The following TENM3 variants were observed in gnomAD, a reference collection of about 807,000 sequenced individuals.
The protein encoded by TENM3 is teneurin transmembrane protein 3.
Under a neutral mutation model 255.1 loss-of-function variants are expected in TENM3, and 63 were observed. That is an observed-to-expected ratio of 0.25 (90% CI 0.20 to 0.30). TENM3 has a LOEUF of 0.30. Ranked by LOEUF, TENM3 falls within the 10% of genes least tolerant of loss-of-function variation. The probability of loss-of-function intolerance (pLI) is 1.00; values close to 1 mark genes in which losing one functional copy is unlikely to be tolerated. For missense variants in TENM3, 2,929 were observed against 3,461.1 expected, an observed-to-expected ratio of 0.85 and a Z score of 3.86; for synonymous variants, 1,306 against 1,322.3, an observed-to-expected ratio of 0.99 and a Z score of 0.27.
chr4:181,623,539 C>T, the TENM3 span, among the ~76,000 whole-genome samples: 1 of 152,176 alleles, frequency 6.6e-6, no homozygotes, highest in Non-Finnish European at 1.5e-5. Context: ...ACTTCTGTTA[C>T]CAACGTCAAG....
the TENM3 span, among the ~76,000 whole-genome samples, chr4:181,902,116 TACACACACAC>T: frequency 6.8e-6 from 1 of 147,782 alleles, no homozygotes; most frequent in African/African-American, 2.5e-5. Context: ...CATGTGAGCA[TACACACACAC>T]ACACACACAC....
At chr4:182,131,439 C>T in the TENM3 span, among the ~76,000 whole-genome samples, 2 of 152,098 alleles carry the variant, frequency 1.3e-5, no homozygotes, top group African/African-American at 4.8e-5. Flanking sequence ...AAATCAAAAA[C>T]CTCACCCACG....
chr4:182,261,898 C>G (rs1193427323), intron 1 of TENM3, among the ~76,000 whole-genome samples: 1 of 152,178 alleles, frequency 6.6e-6, no homozygotes, highest in Non-Finnish European at 1.5e-5. Flanking sequence ...GGCAGCCTTC[C>G]AACAAGACCA....
intron 4 of TENM3, among the ~76,000 whole-genome samples, chr4:182,626,952 A>G (rs1750875085): frequency 6.6e-6 from 1 of 152,166 alleles, no homozygotes; most frequent in South Asian, 2.1e-4. Flanking sequence ...GAGGTTCCCT[A>G]GGACCACATT....
Position 182,792,626 on chromosome 4 carries a change from A to G in TENM3, c.5954A>G (p.Asp1985Gly), listed in dbSNP as rs1766199217. The change falls in exon 26 of 28, where the codon GAT (aspartate) becomes GGT (glycine). Residue 1985 changes from aspartate (D) to glycine (G), a missense_variant. Coordinates refer to ENST00000511685, the MANE Select transcript of TENM3 (RefSeq NM_001080477.4). This position sits in a 1 kb window ranked among gnomAD's most constrained non-coding sequence, Gnocchi z 6.3. ...CTAAAGACAGTAAACCTCCAGAGTG[A>G]TGGTTTTATTTGCACCATTAGATAC... Reference protein sequence around the residue: ...GVLKTVNLQSDGFICTIRYRQ... With the variant: ...GVLKTVNLQSGGFICTIRYRQ... The G allele has an allele frequency of 6.2e-7, 1 of 1,613,956 alleles. No homozygotes were observed. Among genetic ancestry groups the G allele is most frequent in the East Asian group, 2.2e-5 (1 of 44,886 alleles).
Position 182,460,859 on chromosome 4 carries a change from G to A in TENM3, c.511+113930G>A, listed in dbSNP as rs541481495. 2.0e-5 allele frequency among the ~76,000 whole-genome samples: 3 copies of A among 152,254 alleles called. No homozygotes were observed. The South Asian group carries it at 6.2e-4, about 32-fold the overall frequency. On this transcript the variant is annotated intron_variant, in intron 3 of 27. Transcript: ENST00000511685. ...TTTTCTATAAAATAAGAATTAATAT[G>A]TAATATTTAACTGCAGTCTATTTTA...
At chr4:182,741,861 A>C (rs1761632194) in intron 18 of TENM3, among the ~76,000 whole-genome samples, 1 of 152,240 alleles carries the variant, frequency 6.6e-6, no homozygotes, top group African/African-American at 2.4e-5. Flanking sequence ...AAATGTGCTG[A>C]GTTATAAGGA....
At chr4:182,515,600 A>G (rs1277204771) in intron 3 of TENM3, among the ~76,000 whole-genome samples, 4 of 152,200 alleles carry the variant, frequency 2.6e-5, no homozygotes, top group African/African-American at 9.7e-5. Flanking sequence ...TACTGTATAT[A>G]ATATTTCTTA....
intron 3 of TENM3, among the ~76,000 whole-genome samples, chr4:182,467,536 A>G (rs1485764834): frequency 6.6e-6 from 1 of 152,212 alleles, no homozygotes; most frequent in Non-Finnish European, 1.5e-5. Flanking sequence ...ACAATAAATG[A>G]TATCCTGGGA....
chr4:182,267,548 T>G (rs1376772976), intron 1 of TENM3, among the ~76,000 whole-genome samples: 2 of 152,126 alleles, frequency 1.3e-5, no homozygotes, highest in Admixed American at 1.3e-4. Flanking sequence ...TAAAAAAATG[T>G]CACTTTCTAA....
At chr4:182,050,015 C>T in the TENM3 span, among the ~76,000 whole-genome samples, 91,582 of 151,254 alleles carry the variant, frequency 0.61, 30,852 homozygotes, top group East Asian at 0.77. Flanking sequence ...TTTTTTGAGG[C>T]GGAGTCTCAC....
intron 3 of TENM3, among the ~76,000 whole-genome samples, chr4:182,442,921 C>T (rs189776552): frequency 6.6e-6 from 1 of 151,746 alleles, no homozygotes; most frequent in East Asian, 1.9e-4. Context: ...GATGTAGTTT[C>T]GCCATGTTGC....
At chr4:181,627,022 G>A in the TENM3 span, among the ~76,000 whole-genome samples, 1 of 152,114 alleles carries the variant, frequency 6.6e-6, no homozygotes, top group South Asian at 2.1e-4. Context: ...AAGACAAGGC[G>A]TTAACAAGGT....
At chr4:182,680,226 T>C in intron 8 of TENM3, 22 bp from the exon 9 acceptor site, 1 of 1,542,102 alleles carries the variant, frequency 6.5e-7, no homozygotes, top group South Asian at 1.1e-5. Flanking sequence ...CAACAAGTGT[T>C]CCTTCTTTCC....
At chr4:181,981,102 C>G in the TENM3 span, among the ~76,000 whole-genome samples, 5 of 152,132 alleles carry the variant, frequency 3.3e-5, no homozygotes, top group Non-Finnish European at 7.4e-5. Context: ...TGGTTCCCAA[C>G]ACTTTTAATG....
chr4:181,515,541 C>CA, the TENM3 span, among the ~76,000 whole-genome samples: 1 of 151,826 alleles, frequency 6.6e-6, no homozygotes, highest in African/African-American at 2.4e-5. Context: ...AGTCGAGTCC[C>CA]AAAAATGGTG....
At chr4:181,583,536 A>C in the TENM3 span, among the ~76,000 whole-genome samples, 1 of 152,174 alleles carries the variant, frequency 6.6e-6, no homozygotes, top group Non-Finnish European at 1.5e-5. Flanking sequence ...GCCCTTGAAA[A>C]TAACACTTTA....
At chr4:181,711,162 T>C in the TENM3 span, among the ~76,000 whole-genome samples, 1 of 152,182 alleles carries the variant, frequency 6.6e-6, no homozygotes, top group African/African-American at 2.4e-5. Flanking sequence ...TCAAAGCAAT[T>C]AGGCAGTAAG....
At chr4:182,156,792 TCTCC>T (rs900358512) in intron 1 of TENM3, among the ~76,000 whole-genome samples, 13 of 152,160 alleles carry the variant, frequency 8.5e-5, no homozygotes, top group African/African-American at 2.9e-4. Context: ...AGCCATTTTT[TCTCC>T]CTCAATTCAC....
Sources: gnomAD v4.1 joint callset for allele counts (sites outside exome capture counted in the v4.1 genomes callset) on GRCh38, gnomAD v4.1.1 for gene constraint, Gnocchi (gnomAD v3.1) non-coding constraint, MANE v1.5 for transcripts, NCBI Gene and HGNC (gene_info 2026-07-23, HGNC 2026-07-21) for gene names.